Variants in RGS5 observed in about 807,000 individuals in gnomAD.
RGS5 encodes regulator of G-protein signalling 5.
In RGS5, 20 loss-of-function variants were observed where a neutral mutation model predicts 18.9. The observed-to-expected ratio is 1.06, with a 90% CI of 0.74 to 1.54. The LOEUF is 1.54. RGS5 is among the 40% of genes most tolerant of loss of function. The pLI is 0.00. For synonymous variants in RGS5, 57 were observed against 76.2 expected (o/e 0.75, Z 1.31); for missense variants, 201 against 211.8 (o/e 0.95, Z 0.32).
chr1:163,183,828 C>G (rs1203345103), intron 1 of RGS5, among the ~76,000 whole-genome samples: 1 of 152,082 alleles, frequency 6.6e-6, no homozygotes, highest in Non-Finnish European at 1.5e-5. Context: ...TGGCTTGGAT[C>G]CCAAAGCAGG....
intron 1 of RGS5, among the ~76,000 whole-genome samples, chr1:163,187,879 C>T (rs1659160407): frequency 6.6e-6 from 1 of 152,188 alleles, no homozygotes; most frequent in Admixed American, 6.5e-5. Context: ...GCAAACTTAC[C>T]ACTGGTAGGG....
chr1:163,157,630 A>G (rs1406910137), intron 3 of RGS5, among the ~76,000 whole-genome samples: 2 of 152,212 alleles, frequency 1.3e-5, no homozygotes, highest in East Asian at 1.9e-4. Context: ...TAACATAACA[A>G]TGCCAAATTT....
At chr1:163,285,537 CA>C (rs1649120433) in intron 2 of RGS5, among the ~76,000 whole-genome samples, 1 of 149,812 alleles carries the variant, frequency 6.7e-6, no homozygotes, top group Admixed American at 6.6e-5. Flanking sequence ...TGTCTCAAAA[CA>C]AAAACAAAAA....
At chr1:163,251,003 G>A (rs1557919619) in intron 2 of RGS5, among the ~76,000 whole-genome samples, 1 of 152,190 alleles carries the variant, frequency 6.6e-6, no homozygotes, top group Non-Finnish European at 1.5e-5. Flanking sequence ...TAAATGGAAA[G>A]CACTGTGCAA....
intron 1 of RGS5, among the ~76,000 whole-genome samples, chr1:163,311,052 A>T (rs933959028): frequency 1.3e-5 from 2 of 152,220 alleles, no homozygotes; most frequent in Non-Finnish European, 2.9e-5. Context: ...CCCTTGATAC[A>T]TGGGGATTAT....
chr1:163,303,693 T>C (rs982822670), intron 2 of RGS5, among the ~76,000 whole-genome samples: 1 of 152,156 alleles, frequency 6.6e-6, no homozygotes, highest in African/African-American at 2.4e-5. Context: ...TGCAGACAGG[T>C]ACCGGTCTGT....
At chr1:163,309,643 A>ACT (rs1243787266) in intron 1 of RGS5, among the ~76,000 whole-genome samples, 28 of 152,140 alleles carry the variant, frequency 1.8e-4, no homozygotes, top group African/African-American at 4.8e-5. Context: ...TGCTTCCTCC[A>ACT]CTAAAGTCAT....
intron 2 of RGS5, among the ~76,000 whole-genome samples, chr1:163,274,491 A>C (rs1428822658): frequency 6.6e-6 from 1 of 152,122 alleles, no homozygotes; most frequent in African/African-American, 2.4e-5. Context: ...CATTTGTATC[A>C]TTTACAATAA....
chr1:163,179,981 AG>A (rs1386674820), intron 1 of RGS5, among the ~76,000 whole-genome samples: 2 of 152,136 alleles, frequency 1.3e-5, no homozygotes, highest in African/African-American at 4.8e-5. Flanking sequence ...CATTGCCAAT[AG>A]CTAATCTGTC....
At chr1:163,252,044 T>C (rs994266575) in intron 2 of RGS5, among the ~76,000 whole-genome samples, 14 of 152,180 alleles carry the variant, frequency 9.2e-5, no homozygotes, top group Admixed American at 7.2e-4. Flanking sequence ...CTGGGTTGTA[T>C]CTTAAATATA....
intron 1 of RGS5, among the ~76,000 whole-genome samples, chr1:163,175,337 G>T (rs1180512964): frequency 6.6e-6 from 1 of 152,174 alleles, no homozygotes; most frequent in African/African-American, 2.4e-5. Flanking sequence ...TCAAGAGGGA[G>T]AATGCATTTT....
At chr1:163,263,628 T>C (rs1023873856) in intron 2 of RGS5, among the ~76,000 whole-genome samples, 2 of 152,042 alleles carry the variant, frequency 1.3e-5, no homozygotes, top group Non-Finnish European at 2.9e-5. Context: ...TAAATCTTTT[T>C]TTCCTGCCTT....
chr1:163,208,805 C>T (rs187446760), intron 1 of RGS5, among the ~76,000 whole-genome samples: 2 of 152,056 alleles, frequency 1.3e-5, no homozygotes, highest in Non-Finnish European at 2.9e-5. Flanking sequence ...AGTAACACAG[C>T]AACTACCTTT....
chr1:163,269,576 TTCTTA>T lies in RGS5; in HGVS notation c.-281+36652_-281+36656del, dbSNP rs576971540. ...ATTTGAGATTGGCTACATATTAATTTTCTTATCTTATCATCAAAGTAGGACCATGC... is the reference window on the plus strand; with the variant it reads ...ATTTGAGATTGGCTACATATTAATTTTCTTATCATCAAAGTAGGACCATGC... On this transcript the variant is annotated intron_variant, in intron 2 of 5. Coordinates refer to the RGS5 transcript ENST00000618415. Among the ~76,000 whole-genome samples, 50 of 152,314 alleles carry T rather than the reference TTCTTA, an allele frequency of 3.3e-4. 1 individual carries two copies. The South Asian group carries it at 8.5e-3, about 26-fold the overall frequency.
intron 1 of RGS5, among the ~76,000 whole-genome samples, chr1:163,182,345 C>A (rs1447129969): frequency 6.6e-6 from 1 of 152,196 alleles, no homozygotes; most frequent in Non-Finnish European, 1.5e-5. Context: ...GAGACCTCCA[C>A]TGCTGCCTAG....
intron 2 of RGS5, among the ~76,000 whole-genome samples, chr1:163,256,264 C>G (rs963172823): frequency 6.6e-6 from 1 of 152,040 alleles, no homozygotes; most frequent in African/African-American, 2.4e-5. Flanking sequence ...TCAGCAAAGT[C>G]TCAGGATACA....
At chr1:163,184,055 G>A (rs1325849071) in intron 1 of RGS5, among the ~76,000 whole-genome samples, 1 of 152,090 alleles carries the variant, frequency 6.6e-6, no homozygotes, top group Non-Finnish European at 1.5e-5. Context: ...CTTGCACGTT[G>A]AGGACTAAAG....
intron 1 of RGS5, among the ~76,000 whole-genome samples, chr1:163,200,615 ATT>A (rs1659739624): frequency 6.6e-6 from 1 of 152,138 alleles, no homozygotes; most frequent in South Asian, 2.1e-4. Flanking sequence ...CCACAATTCC[ATT>A]TCTCCAAAAC....
chr1:163,275,072 T>C (rs1471763623), intron 2 of RGS5, among the ~76,000 whole-genome samples: 1 of 152,190 alleles, frequency 6.6e-6, no homozygotes, highest in East Asian at 1.9e-4. Context: ...GCTGTGATCA[T>C]GCCAGTGCAC....
Sources: allele counts gnomAD v4.1 joint callset (sites outside exome capture counted in the v4.1 genomes callset), GRCh38; gene constraint gnomAD v4.1.1; transcripts MANE v1.5; gene names NCBI Gene and HGNC (gene_info 2026-07-23, HGNC 2026-07-21).